The following PEX1 variants were observed in gnomAD, a reference collection of about 807,000 sequenced individuals.
The protein encoded by PEX1 is peroxisomal biogenesis factor 1.
Under a neutral mutation model 152.5 loss-of-function variants are expected in PEX1, and 97 were observed. The ratio of observed to expected loss-of-function variants is 0.64; its 90% CI spans 0.54 to 0.75. PEX1 has a LOEUF of 0.75. Among genes scored for constraint, PEX1 ranks in the 30% least tolerant of loss-of-function variants. The pLI is 0.00. For synonymous variants in PEX1, 485 were observed against 531.6 expected (o/e 0.91, Z 1.21); for missense variants, 1,357 against 1,516.3 (o/e 0.89, Z 1.74).
At chr7:92,515,650 T>C (rs1016526709) in intron 5 of PEX1, among the ~76,000 whole-genome samples, 3 of 152,210 alleles carry the variant, frequency 2.0e-5, no homozygotes, top group African/African-American at 4.8e-5. Context: ...TATTTTGAAT[T>C]TGAGGATGCA....
At chr7:92,521,016 G>A (rs1272054090) in intron 2 of PEX1, among the ~76,000 whole-genome samples, 2 of 152,124 alleles carry the variant, frequency 1.3e-5, no homozygotes, top group Non-Finnish European at 1.5e-5. Flanking sequence ...GCTATTGCCC[G>A]GGCTGGAGTG....
chr7:92,518,646 T>C (rs887483828), intron 3 of PEX1, among the ~76,000 whole-genome samples: 1 of 152,248 alleles, frequency 6.6e-6, no homozygotes, highest in Non-Finnish European at 1.5e-5. Flanking sequence ...CCTGACTCAC[T>C]GCAGCCTTGA....
intron 11 of PEX1, 52 bp from the exon 12 acceptor site, chr7:92,504,954 A>G: frequency 7.3e-7 from 1 of 1,371,920 alleles, no homozygotes; most frequent in Non-Finnish European, 1.0e-6. Context: ...TGCTGGGAAA[A>G]TTCAGGTTGT....
intron 9 of PEX1, among the ~76,000 whole-genome samples, chr7:92,508,663 C>G (rs1006667658): frequency 3.3e-5 from 5 of 152,118 alleles, no homozygotes; most frequent in Admixed American, 6.5e-5. Context: ...CAAATCCCTA[C>G]TACTACATCT....
chr7:92,492,836 T>C (rs976589888), intron 20 of PEX1, 117 bp downstream of exon 20: 2 of 809,178 alleles, frequency 2.5e-6, no homozygotes, highest in Non-Finnish European at 4.4e-6. Flanking sequence ...AAATTTATGT[T>C]TCTATACAGT....
At chr7:92,523,364 C>T (rs1793133713) in intron 1 of PEX1, among the ~76,000 whole-genome samples, 1 of 151,932 alleles carries the variant, frequency 6.6e-6, no homozygotes, top group Non-Finnish European at 1.5e-5. Flanking sequence ...CTCTGTTGCC[C>T]AGGCTGGAGT....
At chr7:92,519,521 G>GA (rs1397315883) in intron 2 of PEX1, among the ~76,000 whole-genome samples, 2 of 152,118 alleles carry the variant, frequency 1.3e-5, no homozygotes, top group African/African-American at 4.8e-5. Flanking sequence ...AGCATGACAT[G>GA]TTTTTCAAAA....
chr7:92,509,515 G>T (rs958516317), intron 8 of PEX1, 104 bp from the exon 9 acceptor site: 2 of 756,616 alleles, frequency 2.6e-6, no homozygotes, highest in Admixed American at 4.0e-5. Flanking sequence ...ATACCAGAGA[G>T]AATAAATTAT....
chr7:92,525,272 A>C (rs570391655), intron 1 of PEX1, among the ~76,000 whole-genome samples: 1 of 152,354 alleles, frequency 6.6e-6, no homozygotes, highest in Admixed American at 6.5e-5. Context: ...TCTTTGACCC[A>C]AACTGAGGTA....
intron 11 of PEX1, among the ~76,000 whole-genome samples, chr7:92,505,493 TC>T (rs1311987022): frequency 1.3e-5 from 2 of 151,814 alleles, no homozygotes; most frequent in African/African-American, 4.8e-5. Flanking sequence ...CCCAGTTTCA[TC>T]CCATTGAGAA....
chr7:92,516,040 AGAGAAGAGAAGAGAAAAAAG>A (rs1161180464), intron 5 of PEX1, among the ~76,000 whole-genome samples: 106 of 113,588 alleles, frequency 9.3e-4, no homozygotes, highest in Admixed American at 2.8e-3. Flanking sequence ...AGAGAAGAGA[AGAGAAGAGAAGAGAAAAAAG>A]AAAAGAAAAG....
At chr7:92,511,847 G>T in intron 6 of PEX1, 144 bp from the exon 7 acceptor site, 1 of 739,614 alleles carries the variant, frequency 1.4e-6, no homozygotes, top group South Asian at 1.7e-5. Flanking sequence ...ATAGGCACAG[G>T]TCTGGGATTT....
At chr7:92,511,841 G>A in intron 6 of PEX1, 138 bp from the exon 7 acceptor site, 2 of 759,906 alleles carry the variant, frequency 2.6e-6, no homozygotes, top group Non-Finnish European at 4.3e-6. Context: ...TGTTCTATAG[G>A]CACAGGTCTG....
chr7:92,494,241 G>A, intron 19 of PEX1, 52 bp downstream of exon 19: 1 of 1,311,422 alleles, frequency 7.6e-7, no homozygotes, highest in Non-Finnish European at 1.1e-6. Context: ...AAGCTCACAA[G>A]GAAAGAGTGT....
At chr7:92,520,738 G>A (rs566799121) in intron 2 of PEX1, among the ~76,000 whole-genome samples, 1 of 152,300 alleles carries the variant, frequency 6.6e-6, no homozygotes, top group East Asian at 1.9e-4. Context: ...GGATCATGAA[G>A]ACGCACACAG....
At chr7:92,506,438 T>G in intron 10 of PEX1, 94 bp from the exon 11 acceptor site, 1 of 807,726 alleles carries the variant, frequency 1.2e-6, no homozygotes. Flanking sequence ...AGCCTCAATT[T>G]TATACAACCT....
At chr7:92,513,068 T>A (rs1025863455) in intron 6 of PEX1, among the ~76,000 whole-genome samples, 4 of 152,166 alleles carry the variant, frequency 2.6e-5, no homozygotes, top group Non-Finnish European at 2.9e-5. Context: ...CAATTTTTTT[T>A]AATTACAACC....
In PEX1 at chr7:92,504,794, A is replaced by G. The variant is rs967673501; in HGVS notation, c.2009T>C (p.Leu670Pro). The G allele has an allele frequency of 6.2e-7, 1 of 1,614,090 alleles. No homozygotes were observed. Among genetic ancestry groups the G allele is most frequent in the Non-Finnish European group, 8.5e-7 (1 of 1,180,024 alleles). ...LLDDLDLIAGLPAVPEHEHSP... is the reference protein window; with the variant it reads ...LLDDLDLIAGPPAVPEHEHSP... ...GTGCTCATGTTCCGGGACAGCAGGC[A>G]GTCCAGCAATGAGGTCAAGGTCATC... The change falls in exon 12 of 24, where the codon CTG becomes CCG. Residue 670 changes from leucine to proline, a missense_variant. Transcript: ENST00000248633.
Position 92,512,167 on chromosome 7 carries a change from G to A in PEX1, c.1360-464C>T, listed in dbSNP as rs138814499. Among the ~76,000 whole-genome samples, 103 of 152,032 alleles carry A rather than the reference G, an allele frequency of 6.8e-4. 2 individuals are homozygous for A. The East Asian group carries it at 9.1e-3, about 13-fold the overall frequency. ...CTTGCCTCAGGCTCCCAAGTAGCTG[G>A]GATTATAGACATTGCAGCTAATTTT... On this transcript the variant is annotated intron_variant, in intron 6 of 23. Coordinates refer to ENST00000248633, the MANE Select transcript of PEX1 (RefSeq NM_000466.3).
Sources: allele counts gnomAD v4.1 joint callset (sites outside exome capture counted in the v4.1 genomes callset), GRCh38; gene constraint gnomAD v4.1.1; transcripts MANE v1.5; gene names NCBI Gene and HGNC (gene_info 2026-07-23, HGNC 2026-07-21).